HIF3A: variants seen among roughly 807,000 people sequenced by gnomAD.
HIF3A encodes hypoxia inducible factor 3 subunit alpha, also known as hypoxia-inducible factor 3-alpha.
HIF3A carries 41 observed loss-of-function variants against 67.2 expected under a neutral mutation model. The ratio of observed to expected loss-of-function variants is 0.61; its 90% CI spans 0.48 to 0.79. The LOEUF (loss-of-function observed/expected upper bound fraction) is 0.79, where lower values mean the gene tolerates loss of function less well. HIF3A is among the 30% of genes least tolerant of loss of function. HIF3A has a pLI of 0.00. For missense variants in HIF3A, 855 were observed against 898.0 expected, an observed-to-expected ratio of 0.95 and a Z score of 0.61; for synonymous variants, 356 against 374.8, an observed-to-expected ratio of 0.95 and a Z score of 0.58.
At position 46,303,707 on chromosome 19, in the gene HIF3A, G is replaced by C. The variant is rs368004422; in HGVS notation, c.27-191G>C. On this transcript the variant is annotated intron_variant, in intron 1 of 14. Coordinates refer to ENST00000377670, the MANE Select transcript of HIF3A (RefSeq NM_152795.4). ...CCACAGGTAAAATCAGGGCTAGGAA[G>C]GGCTCCACAGTGTAGCCCTTCCAGG... 27 of 1,573,434 alleles carry C rather than the reference G, an allele frequency of 1.7e-5. No individual in the cohort carries two copies. In the African/African-American group the frequency reaches 3.6e-4, roughly 21 times the overall value.
chr19:46,308,540 C>T, intron 4 of HIF3A, 123 bp from the exon 5 acceptor site: 1 of 668,468 alleles, frequency 1.5e-6, no homozygotes, highest in South Asian at 1.9e-5. Context: ...GGGGGACCCT[C>T]TCTGGTTCCA....
chr19:46,342,975 G>A lies in HIF3A; in HGVS notation c.*3353G>A, dbSNP rs1169422661. Reference sequence around the variant, plus strand: ...TTACCCCACATGTTTGGGGCACCTGGGGCTCCCTCACCCCTTGGGTGGTTT... The same window carrying A: ...TTACCCCACATGTTTGGGGCACCTGAGGCTCCCTCACCCCTTGGGTGGTTT... On this transcript the variant is annotated 3_prime_UTR_variant, in exon 15 of 15. Transcript: ENST00000377670. 6.6e-6 allele frequency: 1 copy of A among 152,540 alleles called. No individual in the cohort carries two copies. The highest frequency in any genetic ancestry group is 1.5e-5 in the Non-Finnish European group (1 of 68,104). 9.4% of individuals were successfully genotyped at this position (152,540 alleles called of 1,614,324 possible). A position where few individuals can be genotyped will look rare whatever the true frequency, so the allele number is the denominator to read the frequency against.
Position 46,309,332 on chromosome 19 carries a change from A to AC in HIF3A, c.744dup (p.Met249HisfsTer7), listed in dbSNP as rs1172585080. 6.2e-7 allele frequency: 1 copy of AC among 1,612,136 alleles called. No individual in the cohort carries two copies. Among genetic ancestry groups the AC allele is most frequent in the East Asian group, 2.2e-5 (1 of 44,824 alleles). On this transcript the variant is annotated frameshift_variant, in exon 6 of 15. Transcript: ENST00000377670. LOFTEE classifies it high-confidence loss of function. ...GCCTTCCTCAGCCGCCACAGCCTGG[A>AC]CATGAAGTTCACCTACTGTGACGAC...
At chr19:46,315,979 C>T (rs1009594404) in intron 8 of HIF3A, among the ~76,000 whole-genome samples, 3 of 151,960 alleles carry the variant, frequency 2.0e-5, no homozygotes, top group African/African-American at 7.3e-5. Context: ...GCCTGTAATC[C>T]CAGCACTTTG....
At position 46,320,434 on chromosome 19, in the gene HIF3A, G is replaced by T. The variant is rs1215785298; in HGVS notation, c.1026-9G>T. 3.1e-6 allele frequency: 5 copies of T among 1,610,534 alleles called. No individual in the cohort carries two copies. The highest frequency in any genetic ancestry group is 4.2e-6 in the Non-Finnish European group (5 of 1,176,810). ...TGACTCCCACCTCCCTTTCTGCCTT[G>T]TACCCCAGCCAGGTGGAAGAGACCG... is the stretch of plus-strand genomic sequence containing the variant. On this transcript the variant is annotated splice_polypyrimidine_tract_variant and intron_variant, in intron 8 of 14. Transcript: ENST00000377670.
intron 13 of HIF3A, chr19:46,331,582 G>A (rs1266508168): frequency 3.9e-5 from 7 of 177,746 alleles, no homozygotes; most frequent in Admixed American, 1.1e-4. Context: ...TCAGCTGGGC[G>A]CGGTTGCTCA....
At chr19:46,303,449 C>G (rs1568498786) in intron 1 of HIF3A, 1 of 592,664 alleles carries the variant, frequency 1.7e-6, no homozygotes, top group African/African-American at 1.9e-5. Context: ...GGAGGTGATT[C>G]TGGGAAACTG....
At chr19:46,315,393 C>T (rs1030128794) in intron 8 of HIF3A, among the ~76,000 whole-genome samples, 2 of 147,068 alleles carry the variant, frequency 1.4e-5, no homozygotes, top group African/African-American at 4.9e-5. Flanking sequence ...TCAGTAGTTC[C>T]TTTGTAAATA....
rs1415139894 is a variant in HIF3A, at chr19:46,334,986, G to A, written c.1912G>A (p.Gly638Ser). Residue 638 changes from glycine (G) to serine (S), a missense_variant and splice_region_variant, in exon 14 of 15, where the codon GGC becomes AGC. Around this residue, in one of 3 missense-constraint regions of HIF3A, gnomAD observed 199 missense variants for 193.8 expected, o/e 1.03. Coordinates refer to ENST00000377670, the MANE Select transcript of HIF3A (RefSeq NM_152795.4). ...TPLLNLNEPL[G>S]LGPSLLSPYS... is the part of the protein sequence containing the mutation. ...ACTCCTGAACCTGAATGAGCCCCTG[G>A]GTGAGTAGCAACCTGGGTATCCAGA... 1.4e-5 allele frequency: 22 copies of A among 1,602,362 alleles called. No individual in the cohort carries two copies. Among genetic ancestry groups the A allele is most frequent in the Middle Eastern group, 1.7e-4 (1 of 6,040 alleles).
intron 6 of HIF3A, among the ~76,000 whole-genome samples, chr19:46,310,906 A>G (rs1969373210): frequency 6.6e-6 from 1 of 152,010 alleles, no homozygotes; most frequent in Non-Finnish European, 1.5e-5. Context: ...GCCTGCCACC[A>G]TGCCTGGCTA....
chr19:46,329,120 G>T, intron 11 of HIF3A, 87 bp from the exon 12 acceptor site: 1 of 1,296,824 alleles, frequency 7.7e-7, no homozygotes, highest in South Asian at 1.4e-5. Context: ...CACAGGCACA[G>T]AACTCAGAAG....
Position 46,339,234 on chromosome 19 carries a change from G to A in HIF3A, c.1913-291G>A, listed in dbSNP as rs375454222. Among the ~76,000 whole-genome samples the A allele has an allele frequency of 4.6e-5, 7 of 151,834 alleles. No individual in the cohort carries two copies. In the East Asian group the frequency reaches 5.8e-4, roughly 13 times the overall value. On this transcript the variant is annotated intron_variant, in intron 14 of 14. Transcript: ENST00000377670. ...AAAAAAATCAAATGTTTAGCCAACC[G>A]AAATTAGTTTAAATTGTATAACCCG...
Position 46,321,977 on chromosome 19 carries a change from C to G in HIF3A, c.1335+11C>G, listed in dbSNP as rs537967700. The G allele has an allele frequency of 3.7e-6, 6 of 1,612,854 alleles. No homozygotes were observed. The Admixed American group carries it at 1.0e-4, about 27-fold the overall frequency. On this transcript the variant is annotated intron_variant, in intron 10 of 14. Transcript: ENST00000377670. ...CAAAGTCCTCTTTCGGTAAGCCATC[C>G]CACCCATGTGAGCCCTCAGCATCCA... is the stretch of plus-strand genomic sequence containing the variant.
In HIF3A at chr19:46,312,494, C is replaced by T. The variant is rs1969529482; in HGVS notation, c.878-12C>T. The T allele has an allele frequency of 4.3e-6, 7 of 1,613,644 alleles. No individual in the cohort carries two copies. The highest frequency in any genetic ancestry group is 5.9e-6 in the Non-Finnish European group (7 of 1,179,750). Reference sequence around the variant, plus strand: ...CTTGGTGGCCCTGATCCCTCCCGATCCCCCTCCTCAGTGCTGAGCAAGGGC... The same window carrying T: ...CTTGGTGGCCCTGATCCCTCCCGATTCCCCTCCTCAGTGCTGAGCAAGGGC... On this transcript the variant is annotated splice_polypyrimidine_tract_variant and intron_variant, in intron 7 of 14. Coordinates refer to ENST00000377670, the MANE Select transcript of HIF3A (RefSeq NM_152795.4).
chr19:46,298,359 G>C (rs939173786), intron 1 of HIF3A: 1 of 1,279,016 alleles, frequency 7.8e-7, no homozygotes. Flanking sequence ...GGCTGAGCTC[G>C]GGTGCCCCCC....
At chr19:46,300,766 C>T (rs1968250927) in intron 1 of HIF3A, among the ~76,000 whole-genome samples, 1 of 152,142 alleles carries the variant, frequency 6.6e-6, no homozygotes, top group African/African-American at 2.4e-5. Context: ...GAACCCTGAG[C>T]CAGAGGAACT....
At chr19:46,307,881 G>A (rs764827948) in intron 3 of HIF3A, among the ~76,000 whole-genome samples, 11 of 151,792 alleles carry the variant, frequency 7.2e-5, no homozygotes, top group Non-Finnish European at 1.3e-4. Context: ...AGTCATGATC[G>A]CGCCACTGCC....
chr19:46,341,211 T>C lies in HIF3A; in HGVS notation c.*1589T>C, dbSNP rs1397799467. 6.6e-6 allele frequency: 1 copy of C among 150,998 alleles called. No homozygotes were observed. Among genetic ancestry groups the C allele is most frequent in the African/African-American group, 2.4e-5 (1 of 41,024 alleles). 9.4% of individuals were successfully genotyped at this position (150,998 alleles called of 1,614,324 possible). The stretch of plus-strand genomic sequence containing the variant: ...CTTAATCTCTCTCTTTTTTTTTTTT[T>C]TTTTTTGAGACAGAGTCCCACTCTG... On this transcript the variant is annotated 3_prime_UTR_variant, in exon 15 of 15. Transcript: ENST00000377670.
At chr19:46,339,212 A>G (rs1971834472) in intron 14 of HIF3A, among the ~76,000 whole-genome samples, 1 of 152,186 alleles carries the variant, frequency 6.6e-6, no homozygotes, top group African/African-American at 2.4e-5. Flanking sequence ...TATCTAAAAA[A>G]AAATCAAATG....
Sources: allele counts gnomAD v4.1 joint callset (sites outside exome capture counted in the v4.1 genomes callset), GRCh38; gene constraint gnomAD v4.1.1; regional missense constraint gnomAD v4.1.1; transcripts MANE v1.5; gene names NCBI Gene and HGNC (gene_info 2026-07-23, HGNC 2026-07-21).